NTM: variants seen among roughly 807,000 people sequenced by gnomAD.
NTM encodes neurotrimin.
In NTM, 13 loss-of-function variants were observed where a neutral mutation model predicts 42.1. That is an observed-to-expected ratio of 0.31 (90% CI 0.20 to 0.49). NTM has a LOEUF of 0.49. Among genes scored for constraint, NTM ranks in the 20% least tolerant of loss-of-function variants. The pLI, the probability that NTM is intolerant of heterozygous loss-of-function variation, is 0.99. For missense variants in NTM, 373 were observed against 452.8 expected (o/e 0.82, Z 1.60); for synonymous variants, 187 against 179.2 (o/e 1.04, Z -0.35).
intron 1 of NTM, among the ~76,000 whole-genome samples, chr11:131,643,715 G>A (rs2065422900): frequency 1.3e-5 from 2 of 152,146 alleles, no homozygotes; most frequent in South Asian, 4.1e-4. Context: ...GTGCTGTCTG[G>A]TTGCTGGAGC....
intron 1 of NTM, among the ~76,000 whole-genome samples, chr11:131,439,229 G>T (rs113402195): frequency 0.13 from 20,474 of 152,168 alleles, 1,552 homozygotes; most frequent in South Asian, 0.18. Context: ...GGCCCCTACT[G>T]GGAGGTGTCT....
At chr11:131,574,149 G>T (rs318958) in intron 1 of NTM, among the ~76,000 whole-genome samples, 81,656 of 151,478 alleles carry the variant, frequency 0.54, 22,204 homozygotes, top group South Asian at 0.68. Context: ...TGCTTAGAGA[G>T]TCAAGGCTGG....
chr11:131,883,584 T>A (rs578117330), intron 1 of NTM, among the ~76,000 whole-genome samples: 10 of 152,212 alleles, frequency 6.6e-5, no homozygotes, highest in Admixed American at 3.9e-4. Flanking sequence ...ATTTTCTTTT[T>A]GCGACACAAC....
chr11:131,478,525 G>A (rs1266483288), intron 1 of NTM, among the ~76,000 whole-genome samples: 1 of 152,152 alleles, frequency 6.6e-6, no homozygotes, highest in Non-Finnish European at 1.5e-5. Context: ...CATCTTGTAT[G>A]TCTAGTATCT....
chr11:131,570,996 A>G (rs1194251637), intron 1 of NTM, among the ~76,000 whole-genome samples: 1 of 152,238 alleles, frequency 6.6e-6, no homozygotes, highest in Non-Finnish European at 1.5e-5. Flanking sequence ...GCAGCATGGC[A>G]GTGCAGAGTG....
intron 1 of NTM, among the ~76,000 whole-genome samples, chr11:131,413,611 C>T (rs907172628): frequency 4.6e-5 from 7 of 152,232 alleles, no homozygotes; most frequent in Non-Finnish European, 1.0e-4. Context: ...CTTTATATCA[C>T]AGTCTGAGAG....
intron 1 of NTM, among the ~76,000 whole-genome samples, chr11:131,457,512 G>A (rs1275412216): frequency 6.6e-6 from 1 of 152,134 alleles, no homozygotes; most frequent in African/African-American, 2.4e-5. Context: ...GCCACTGGGG[G>A]TTATTCCATT....
intron 1 of NTM, among the ~76,000 whole-genome samples, chr11:131,467,760 G>T (rs1294359211): frequency 6.6e-6 from 1 of 152,178 alleles, no homozygotes; most frequent in African/African-American, 2.4e-5. Flanking sequence ...AGTTTATTTT[G>T]GTGGAGTGTG....
At chr11:131,823,777 T>G (rs1421583483) in intron 1 of NTM, among the ~76,000 whole-genome samples, 1 of 152,204 alleles carries the variant, frequency 6.6e-6, no homozygotes, top group East Asian at 1.9e-4. Flanking sequence ...GCAGTAATTG[T>G]GTTTATATTA....
chr11:131,559,167 C>T (rs536506533), intron 1 of NTM, among the ~76,000 whole-genome samples: 31 of 152,270 alleles, frequency 2.0e-4, no homozygotes, highest in East Asian at 1.2e-3. Flanking sequence ...GCGTGTTTTG[C>T]GGCTGACTTG....
At chr11:131,698,970 A>G (rs1274456879) in intron 1 of NTM, among the ~76,000 whole-genome samples, 2 of 152,222 alleles carry the variant, frequency 1.3e-5, no homozygotes, top group Non-Finnish European at 2.9e-5. Flanking sequence ...GAATTAGGGA[A>G]TTAGGGAAAC....
At chr11:132,163,871 G>T (rs962939014) in intron 3 of NTM, among the ~76,000 whole-genome samples, 3 of 152,184 alleles carry the variant, frequency 2.0e-5, no homozygotes, top group South Asian at 4.1e-4. Context: ...AGTTTACTGG[G>T]GGTAAGCCCA....
chr11:131,502,230 G>A (rs2046922274), intron 1 of NTM, among the ~76,000 whole-genome samples: 1 of 152,088 alleles, frequency 6.6e-6, no homozygotes. Flanking sequence ...ATGGCAGAGA[G>A]GCCTCATGAA....
chr11:132,004,606 TCTC>T lies in NTM; in HGVS notation c.167+92959_167+92961del, dbSNP rs1189090073. 3.9e-4 allele frequency among the ~76,000 whole-genome samples: 4 copies of T among 10,196 alleles called. No individual in the cohort carries two copies. The Non-Finnish European group carries it at 9.3e-3, about 24-fold the overall frequency. The allele number at this position is 10,196 out of a possible 152,430, so 6.7% of individuals were successfully genotyped here. A position where few individuals can be genotyped will look rare whatever the true frequency, so the allele number is the denominator to read the frequency against. Reference sequence around the variant, plus strand: ...AGAAGTTTCTCTCTCTTTCTCTCTTTCTCTCTCTCTCTCTCTCTCTCTCTCTCT... The same window carrying T: ...AGAAGTTTCTCTCTCTTTCTCTCTTTTCTCTCTCTCTCTCTCTCTCTCTCT... On this transcript the variant is annotated intron_variant, in intron 2 of 8. Coordinates refer to ENST00000683400, the MANE Select transcript of NTM (RefSeq NM_001352005.2).
intron 1 of NTM, among the ~76,000 whole-genome samples, chr11:131,760,892 C>T (rs2084062482): frequency 6.6e-6 from 1 of 152,176 alleles, no homozygotes; most frequent in Non-Finnish European, 1.5e-5. Context: ...CCACGTCCCT[C>T]CTAAGCCCCT....
At chr11:131,455,757 G>A (rs774644362) in intron 1 of NTM, among the ~76,000 whole-genome samples, 2 of 152,170 alleles carry the variant, frequency 1.3e-5, no homozygotes, top group Non-Finnish European at 2.9e-5. Flanking sequence ...GAGTGGTGGA[G>A]GCCTTGCAAG....
intron 1 of NTM, among the ~76,000 whole-genome samples, chr11:131,820,673 G>A (rs773406319): frequency 7.8e-4 from 118 of 151,964 alleles, no homozygotes; most frequent in Non-Finnish European, 1.3e-3. Context: ...TACCATATAT[G>A]TGTGCACCAC....
chr11:131,888,214 T>C (rs1022978330), intron 1 of NTM, among the ~76,000 whole-genome samples: 1 of 151,998 alleles, frequency 6.6e-6, no homozygotes. Context: ...GGCAGGAGAA[T>C]CGCTTGAACC....
chr11:132,172,344 C>T (rs994748676), intron 3 of NTM, among the ~76,000 whole-genome samples: 1 of 152,182 alleles, frequency 6.6e-6, no homozygotes, highest in African/African-American at 2.4e-5. Flanking sequence ...TTCTCTGCCT[C>T]CTGTCTAGTT....
Sources: gnomAD v4.1 joint callset for allele counts (sites outside exome capture counted in the v4.1 genomes callset) on GRCh38, gnomAD v4.1.1 for gene constraint, MANE v1.5 for transcripts, NCBI Gene and HGNC (gene_info 2026-07-23, HGNC 2026-07-21) for gene names.